The following QTMAN variants were observed in gnomAD, a reference collection of about 807,000 sequenced individuals.
QTMAN encodes the protein tRNA-queuosine alpha-mannosyltransferase.
chr2:144,048,543 A>T, the QTMAN span, among the ~76,000 whole-genome samples: 1 of 152,282 alleles, frequency 6.6e-6, no homozygotes, highest in South Asian at 2.1e-4. Flanking sequence ...AGATTATATA[A>T]AAAGAGTATC....
the QTMAN span, among the ~76,000 whole-genome samples, chr2:144,017,474 G>C: frequency 6.6e-6 from 1 of 152,236 alleles, no homozygotes; most frequent in East Asian, 1.9e-4. Context: ...TTCTCACAGA[G>C]GTAAGGATTA....
chr2:144,063,015 A>T, the QTMAN span, among the ~76,000 whole-genome samples: 6 of 152,290 alleles, frequency 3.9e-5, no homozygotes, highest in Middle Eastern at 3.4e-3. Context: ...TAATTGATTC[A>T]GAGATGTTTG....
At chr2:143,981,227 G>A in the QTMAN span, among the ~76,000 whole-genome samples, 1 of 152,084 alleles carries the variant, frequency 6.6e-6, no homozygotes, top group Admixed American at 6.6e-5. Flanking sequence ...GAAGTTGGCA[G>A]GTATTCAAAA....
At chr2:144,121,342 G>A in the QTMAN span, among the ~76,000 whole-genome samples, 1 of 152,156 alleles carries the variant, frequency 6.6e-6, no homozygotes, top group African/African-American at 2.4e-5. Flanking sequence ...TTTAACCCAA[G>A]ACAAAGGGCC....
At chr2:144,239,929 T>C in the QTMAN span, among the ~76,000 whole-genome samples, 1 of 152,194 alleles carries the variant, frequency 6.6e-6, no homozygotes. Context: ...TCTGTAAACC[T>C]AAAATTTGCA....
chr2:144,247,206 T>C, the QTMAN span, among the ~76,000 whole-genome samples: 97 of 152,294 alleles, frequency 6.4e-4, 1 homozygote, highest in South Asian at 4.6e-3. Context: ...AATGGAAGTG[T>C]GCTGGAAGAA....
At chr2:144,103,878 T>A in the QTMAN span, among the ~76,000 whole-genome samples, 1 of 152,014 alleles carries the variant, frequency 6.6e-6, no homozygotes, top group African/African-American at 2.4e-5. Context: ...TCACTTGAGG[T>A]CAGGAGCTCA....
the QTMAN span, among the ~76,000 whole-genome samples, chr2:144,241,623 T>C: frequency 6.6e-6 from 1 of 152,220 alleles, no homozygotes; most frequent in Non-Finnish European, 1.5e-5. Context: ...CCTCAAAATA[T>C]TCTTGCTGAT....
the QTMAN span, among the ~76,000 whole-genome samples, chr2:144,056,275 G>T: frequency 6.6e-6 from 1 of 152,206 alleles, no homozygotes; most frequent in Non-Finnish European, 1.5e-5. Context: ...AATGTGAAAT[G>T]TCATGACTAA....
chr2:144,104,447 A>T, the QTMAN span, among the ~76,000 whole-genome samples: 1 of 152,202 alleles, frequency 6.6e-6, no homozygotes, highest in African/African-American at 2.4e-5. Context: ...CAAACGGCAC[A>T]CCAGGAGATT....
At chr2:144,004,493 T>A in the QTMAN span, among the ~76,000 whole-genome samples, 1 of 151,950 alleles carries the variant, frequency 6.6e-6, no homozygotes, top group Non-Finnish European at 1.5e-5. Flanking sequence ...ATAAATCAGA[T>A]GATAAAGCAT....
the QTMAN span, among the ~76,000 whole-genome samples, chr2:144,059,243 T>A: frequency 1.5e-4 from 23 of 152,324 alleles, no homozygotes; most frequent in Non-Finnish European, 2.8e-4. Context: ...CTTTGCCTGA[T>A]ATACTCTCAT....
the QTMAN span, among the ~76,000 whole-genome samples, chr2:144,103,539 A>G: frequency 6.6e-6 from 1 of 152,234 alleles, no homozygotes; most frequent in African/African-American, 2.4e-5. Flanking sequence ...ACACTGCTAC[A>G]GTAAAAACTG....
At chr2:144,233,751 G>T in the QTMAN span, among the ~76,000 whole-genome samples, 4 of 152,198 alleles carry the variant, frequency 2.6e-5, no homozygotes, top group East Asian at 7.7e-4. Flanking sequence ...TCTTTGACAG[G>T]TCTTGAAAAG....
chr2:144,290,851 TC>T, the QTMAN span, among the ~76,000 whole-genome samples: 1 of 152,118 alleles, frequency 6.6e-6, no homozygotes, highest in Non-Finnish European at 1.5e-5. Flanking sequence ...CCTCTCCCAA[TC>T]CCCTATATAT....
At chr2:143,941,643 C>T in the QTMAN span, 1 of 151,370 alleles carries the variant, frequency 6.6e-6, no homozygotes, top group Admixed American at 6.6e-5. Context: ...CCACTGCACT[C>T]CAGCCTGGGC....
the QTMAN span, among the ~76,000 whole-genome samples, chr2:144,328,501 A>C: frequency 6.6e-6 from 1 of 152,242 alleles, no homozygotes; most frequent in Non-Finnish European, 1.5e-5. Flanking sequence ...AACTGAGTAC[A>C]TCCAAAGGAT....
chr2:144,009,108 T>G, the QTMAN span, among the ~76,000 whole-genome samples: 12 of 151,992 alleles, frequency 7.9e-5, no homozygotes, highest in African/African-American at 2.9e-4. Flanking sequence ...AAAAACATTA[T>G]AACATGGTGA....
At chr2:144,302,375 C>T in the QTMAN span, among the ~76,000 whole-genome samples, 1 of 151,920 alleles carries the variant, frequency 6.6e-6, no homozygotes, top group African/African-American at 2.4e-5. Flanking sequence ...AATAGATTGC[C>T]CATAGCAATC....
Sources: gnomAD v4.1 joint callset for allele counts (sites outside exome capture counted in the v4.1 genomes callset) on GRCh38, gnomAD v4.1.1 for gene constraint, MANE v1.5 for transcripts, NCBI Gene and HGNC (gene_info 2026-07-23, HGNC 2026-07-21) for gene names.